Variants in PNPLA7 observed in about 807,000 individuals in gnomAD.
The protein encoded by PNPLA7 is patatin-like phospholipase domain-containing protein 7.
A neutral mutation model predicts 161.7 loss-of-function variants in PNPLA7; 153 were observed. That is an observed-to-expected ratio of 0.95 (90% CI 0.83 to 1.08). PNPLA7 has a LOEUF of 1.08. Ranked by LOEUF, PNPLA7 falls within the 50% of genes least tolerant of loss-of-function variation. The pLI is 0.00. For missense variants in PNPLA7, 1,739 were observed against 1,856.6 expected, an observed-to-expected ratio of 0.94 and a Z score of 1.16; for synonymous variants, 809 against 782.1, an observed-to-expected ratio of 1.03 and a Z score of -0.57.
At chr9:137,506,184 C>G in intron 12 of PNPLA7, 101 bp from the exon 13 acceptor site, 1 of 919,460 alleles carries the variant, frequency 1.1e-6, no homozygotes. Context: ...CACACAGACC[C>G]CGGCAGCTCC....
At position 137,543,838 on chromosome 9, in the gene PNPLA7, A is replaced by G; in HGVS notation, c.274-23T>C. ...CACCTGCAGAGCCAAGGGAGAGACC[A>G]GCCACTGACCCTGCAAGCCGCAAGG... On this transcript the variant is annotated intron_variant, in intron 4 of 34. Transcript: ENST00000406427. The surrounding 1 kb of genome is among the most constrained non-coding windows in gnomAD (Gnocchi z 6.9). The G allele has an allele frequency of 6.3e-7, 1 of 1,597,280 alleles. No individual in the cohort carries two copies. The highest frequency in any genetic ancestry group is 8.6e-7 in the Non-Finnish European group (1 of 1,165,348).
Position 137,478,155 on chromosome 9 carries a change from G to GGGGGAGGAGCCGTC in PNPLA7, c.2764-17_2764-4dup. The GGGGGAGGAGCCGTC allele has an allele frequency of 7.8e-7, 1 of 1,287,938 alleles. No homozygotes were observed. Among genetic ancestry groups the GGGGGAGGAGCCGTC allele is most frequent in the Non-Finnish European group, 9.9e-7 (1 of 1,007,636 alleles). 79.8% of individuals were successfully genotyped at this position (1,287,938 alleles called of 1,614,324 possible). ...AAGACATGCTTGTACATCTCCACCTGGGGGAGGAGCCGTCAGGCAGGGCTG... is the reference window on the plus strand; with the variant it reads ...AAGACATGCTTGTACATCTCCACCTGGGGGAGGAGCCGTCGGGGAGGAGCCGTCAGGCAGGGCTG... On this transcript the variant is annotated splice_region_variant and splice_polypyrimidine_tract_variant and intron_variant, in intron 24 of 34. Transcript: ENST00000406427.
In PNPLA7 at chr9:137,500,450, C is replaced by T. The variant is rs1327605992; in HGVS notation, c.1757+241G>A. 6.6e-6 allele frequency among the ~76,000 whole-genome samples: 1 copy of T among 152,210 alleles called. No homozygotes were observed. Among genetic ancestry groups the T allele is most frequent in the African/African-American group, 2.4e-5 (1 of 41,448 alleles). On this transcript the variant is annotated intron_variant, in intron 16 of 34. Coordinates refer to ENST00000406427, the MANE Select transcript of PNPLA7 (RefSeq NM_001098537.3). This position sits in a 1 kb window ranked among gnomAD's most constrained non-coding sequence, Gnocchi z 5.5. ...ACAGACCAGTGATAAATGGACACAG[C>T]TGGGACCAGACCACAGAGACGGCCG...
intron 22 of PNPLA7, 48 bp downstream of exon 22, chr9:137,480,912 C>T: frequency 6.5e-7 from 1 of 1,535,632 alleles, no homozygotes; most frequent in African/African-American, 1.4e-5. Flanking sequence ...CATCTCAGGG[C>T]TGCGTTGGGC....
At chr9:137,534,179 G>T (rs1326845386) in intron 8 of PNPLA7, among the ~76,000 whole-genome samples, 1 of 145,332 alleles carries the variant, frequency 6.9e-6, no homozygotes, top group African/African-American at 2.6e-5. Context: ...AGCACCCCCA[G>T]ACTCCTCCCC....
At chr9:137,510,208 C>CG (rs1834145576) in intron 12 of PNPLA7, among the ~76,000 whole-genome samples, 1 of 151,956 alleles carries the variant, frequency 6.6e-6, no homozygotes, top group Non-Finnish European at 1.5e-5. Context: ...TCCCTTTCCC[C>CG]GGGGAGTTTA....
intron 31 of PNPLA7, 47 bp downstream of exon 31, chr9:137,462,132 C>T (rs764884109): frequency 6.5e-7 from 1 of 1,530,556 alleles, no homozygotes; most frequent in South Asian, 1.2e-5. Flanking sequence ...GGGCAGCCAC[C>T]AGAGTGCCTC....
chr9:137,460,267 TG>T lies in PNPLA7; in HGVS notation c.*125del. On this transcript the variant is annotated 3_prime_UTR_variant, in exon 35 of 35. Coordinates refer to ENST00000406427, the MANE Select transcript of PNPLA7 (RefSeq NM_001098537.3). ...AGGCCCAGAGAACCCTAACACAGCC[TG>T]GGGCCCCGGGGAAGTCAGGGCTTCC... is the stretch of plus-strand genomic sequence containing the variant. The T allele has an allele frequency of 2.1e-6, 2 of 962,944 alleles. No individual in the cohort carries two copies. The highest frequency in any genetic ancestry group is 3.1e-6 in the Non-Finnish European group (2 of 653,446). 59.6% of individuals were successfully genotyped at this position (962,944 alleles called of 1,614,324 possible).
intron 8 of PNPLA7, among the ~76,000 whole-genome samples, chr9:137,535,562 G>C (rs1173798770): frequency 6.6e-6 from 1 of 152,014 alleles, no homozygotes; most frequent in Non-Finnish European, 1.5e-5. Context: ...AGACCAGCCT[G>C]ACCAACATGG....
chr9:137,536,756 A>G (rs1835913513), intron 8 of PNPLA7, among the ~76,000 whole-genome samples: 1 of 151,598 alleles, frequency 6.6e-6, no homozygotes, highest in Admixed American at 6.6e-5. Flanking sequence ...ACGGAGCCAC[A>G]CTTCATCTCC....
chr9:137,465,149 C>T (rs1588532105), intron 26 of PNPLA7, among the ~76,000 whole-genome samples: 1 of 152,162 alleles, frequency 6.6e-6, no homozygotes, highest in Non-Finnish European at 1.5e-5. Context: ...GTGGGCTGGA[C>T]GTGCTTACAC....
At position 137,519,796 on chromosome 9, in the gene PNPLA7, C is replaced by G. The variant is rs1384925809; in HGVS notation, c.1084+121G>C. On this transcript the variant is annotated intron_variant, in intron 11 of 34. Coordinates refer to ENST00000406427, the MANE Select transcript of PNPLA7 (RefSeq NM_001098537.3). ...GGTGACCTGGGCCGTGTGAGGTGAC[C>G]CGGGGATGTGTGTGGTGGCCTCAGG... 16 of 1,340,044 alleles carry G rather than the reference C, an allele frequency of 1.2e-5. No individual in the cohort carries two copies. In the Admixed American group the frequency reaches 1.7e-4, roughly 14 times the overall value. The allele number at this position is 1,340,044 out of a possible 1,614,324, so 83.0% of individuals were successfully genotyped here. A position where few individuals can be genotyped will look rare whatever the true frequency, so the allele number is the denominator to read the frequency against.
At chr9:137,462,075 T>TG (rs1564276744) in intron 31 of PNPLA7, 34 bp from the exon 32 acceptor site, 1 of 1,537,976 alleles carries the variant, frequency 6.5e-7, no homozygotes, top group Non-Finnish European at 8.8e-7. Flanking sequence ...TCAGGAGGTG[T>TG]GGGGAGCCCC....
chr9:137,484,458 G>T (rs970389986), intron 21 of PNPLA7, 129 bp downstream of exon 21: 3 of 1,053,590 alleles, frequency 2.8e-6, no homozygotes, highest in East Asian at 2.8e-5. Flanking sequence ...AAACACTACC[G>T]AACACTGACC....
Position 137,548,118 on chromosome 9 carries a change from G to A in PNPLA7, c.31-459C>T, listed in dbSNP as rs534954976. 2.6e-5 allele frequency among the ~76,000 whole-genome samples: 4 copies of A among 152,332 alleles called. No homozygotes were observed. In the South Asian group the frequency reaches 8.3e-4, roughly 32 times the overall value. On this transcript the variant is annotated intron_variant, in intron 1 of 34. Transcript: ENST00000406427. ...GAGGCAGCGGCCGAGAAGGCTCTGT[G>A]TCCTGCAGTCTCCTGGAGCAGCAGG... is the stretch of plus-strand genomic sequence containing the variant.
chr9:137,480,925 G>T, intron 22 of PNPLA7, 35 bp downstream of exon 22: 4 of 1,548,770 alleles, frequency 2.6e-6, no homozygotes, highest in Non-Finnish European at 3.5e-6. Context: ...CGTTGGGCCG[G>T]CTGGGAGGAA....
intron 12 of PNPLA7, chr9:137,509,730 C>T (rs748438491): frequency 4.4e-6 from 2 of 456,130 alleles, no homozygotes. Flanking sequence ...GCAGCCACAG[C>T]AGTCGGATGA....
chr9:137,546,063 T>G (rs1453714046), intron 4 of PNPLA7, among the ~76,000 whole-genome samples: 3 of 152,192 alleles, frequency 2.0e-5, no homozygotes, highest in Non-Finnish European at 4.4e-5. Flanking sequence ...GCTTCAGTGG[T>G]CACGCTCCTA....
chr9:137,484,491 C>T, intron 21 of PNPLA7, 96 bp downstream of exon 21: 1 of 1,359,106 alleles, frequency 7.4e-7, no homozygotes, highest in Non-Finnish European at 9.7e-7. Flanking sequence ...TGCCCACCCA[C>T]CGCCGCGTCC....
Sources: gnomAD v4.1 joint callset for allele counts (sites outside exome capture counted in the v4.1 genomes callset) on GRCh38, gnomAD v4.1.1 for gene constraint, Gnocchi (gnomAD v3.1) non-coding constraint, MANE v1.5 for transcripts, NCBI Gene and HGNC (gene_info 2026-07-23, HGNC 2026-07-21) for gene names.